LETMD1: variants seen among roughly 807,000 people sequenced by gnomAD.
The protein encoded by LETMD1 is LETM1 domain containing 1.
A neutral mutation model predicts 43.9 loss-of-function variants in LETMD1; 30 were observed. That is an observed-to-expected ratio of 0.68 (90% CI 0.51 to 0.93). LETMD1 has a LOEUF of 0.93. Ranked by LOEUF, LETMD1 falls within the 40% of genes least tolerant of loss-of-function variation. The probability of loss-of-function intolerance (pLI) is 0.00; values close to 1 mark genes in which losing one functional copy is unlikely to be tolerated. For synonymous variants in LETMD1, 176 were observed against 163.1 expected (o/e 1.08, Z -0.60); for missense variants, 413 against 447.7 (o/e 0.92, Z 0.70).
At chr12:51,064,755 T>C (rs1283691285), downstream of LETMD1, 12 of 1,256,112 alleles carry the variant, frequency 9.6e-6, no homozygotes, top group Admixed American at 8.0e-5. Context: ...AAACAGGCAG[T>C]TGGGATTTGA....
chr12:51,053,757 T>C, intron 3 of LETMD1, 21 bp from the exon 4 acceptor site: 1 of 1,567,894 alleles, frequency 6.4e-7, no homozygotes, highest in African/African-American at 1.4e-5. Context: ...TAAAACTGCA[T>C]CTGTGTTTAT....
At chr12:51,053,467 AC>A in intron 3 of LETMD1, among the ~76,000 whole-genome samples, 1 of 152,190 alleles carries the variant, frequency 6.6e-6, no homozygotes, top group South Asian at 2.1e-4. Flanking sequence ...ACATGGTGAA[AC>A]CCTGTCTCGA....
In LETMD1 at chr12:51,060,028, A is replaced by T. The variant is rs1382529187; in HGVS notation, c.*597A>T. The stretch of plus-strand genomic sequence containing the variant: ...CAAACCCTCTGAACACCTTTTTCTG[A>T]TGGGTAACTTGCAGGAATATTCTAT... On this transcript the variant is annotated 3_prime_UTR_variant, in exon 9 of 9. Transcript: ENST00000262055. The T allele has an allele frequency of 6.5e-6, 1 of 152,822 alleles. No individual in the cohort carries two copies. Among genetic ancestry groups the T allele is most frequent in the Non-Finnish European group, 1.5e-5 (1 of 68,358 alleles). The allele number at this position is 152,822 out of a possible 1,614,324, so 9.5% of individuals were successfully genotyped here.
the LETMD1 span, among the ~76,000 whole-genome samples, chr12:51,065,892 A>G: frequency 0.16 from 24,692 of 152,202 alleles, 2,213 homozygotes; most frequent in South Asian, 0.26. Context: ...ATAAAGAAAG[A>G]GTGAGTTAGG....
In LETMD1 at chr12:51,048,395, G is replaced by T. The variant is rs1156944200; in HGVS notation, c.39G>T (p.Val13=). 6.2e-7 allele frequency: 1 copy of T among 1,614,140 alleles called. No homozygotes were observed. Residue 13 remains valine (V), a synonymous_variant, in exon 1 of 9, where the codon GTG becomes GTT. Coordinates refer to ENST00000262055, the MANE Select transcript of LETMD1 (RefSeq NM_015416.5). ...LSRVCWARSA[V]WGSAVTPGHF... The stretch of plus-strand genomic sequence containing the variant: ...GGGTGTGCTGGGCTCGGTCGGCTGT[G>T]TGGGGCTCGGCAGTCACCCCTGGAC...
intron 1 of LETMD1, chr12:51,048,726 G>A (rs2136487952): frequency 3.3e-6 from 2 of 605,096 alleles, no homozygotes; most frequent in South Asian, 2.1e-5. Context: ...TCACTTTTTC[G>A]GCTCAGGTTT....
rs750477751 is a variant in LETMD1, at chr12:51,056,558, G to T, written c.915+56G>T. ...ACCCTTGGTGTGCTTTTGAGCCTAT[G>T]GCAGGCCGGAGGTTTACAGGGGCTC... On this transcript the variant is annotated intron_variant, in intron 7 of 8. Transcript: ENST00000262055. The T allele has an allele frequency of 7.5e-6, 12 of 1,601,468 alleles. 1 individual carries two copies. The South Asian group carries it at 1.3e-4, about 18-fold the overall frequency.
At chr12:51,063,415 C>G (rs1283492137), downstream of LETMD1, 2 of 177,012 alleles carry the variant, frequency 1.1e-5, no homozygotes, top group Non-Finnish European at 2.4e-5. Context: ...TTCTCGTGTT[C>G]TGGTCCCTAC....
At chr12:51,054,449 G>T (rs1322855821) in intron 4 of LETMD1, among the ~76,000 whole-genome samples, 1 of 152,180 alleles carries the variant, frequency 6.6e-6, no homozygotes, top group African/African-American at 2.4e-5. Flanking sequence ...GAATGGACTA[G>T]TCTGGAAAGT....
At chr12:51,050,228 A>T (rs1263147299) in intron 2 of LETMD1, among the ~76,000 whole-genome samples, 1 of 133,876 alleles carries the variant, frequency 7.5e-6, no homozygotes, top group Non-Finnish European at 1.6e-5. Context: ...ACTTTTTATT[A>T]TGAATTTTTT....
chr12:51,060,152 CTG>C lies in LETMD1; in HGVS notation c.*724_*725del, dbSNP rs1473714647. Reference sequence around the variant, plus strand: ...CTTTTCTGGGCTGTATTACAGCCCTCTGTGGATCTTCAACTCTGCTGCCTCCA... The same window carrying C: ...CTTTTCTGGGCTGTATTACAGCCCTCTGGATCTTCAACTCTGCTGCCTCCA... On this transcript the variant is annotated 3_prime_UTR_variant, in exon 9 of 9. Transcript: ENST00000262055. 4 of 152,854 alleles carry C rather than the reference CTG, an allele frequency of 2.6e-5. No homozygotes were observed. Among genetic ancestry groups the C allele is most frequent in the Middle Eastern group, 3.4e-3 (1 of 296 alleles). 9.5% of individuals were successfully genotyped at this position (152,854 alleles called of 1,614,324 possible).
the LETMD1 span, among the ~76,000 whole-genome samples, chr12:51,068,253 G>A: frequency 6.6e-6 from 1 of 152,160 alleles, no homozygotes; most frequent in Admixed American, 6.5e-5. Flanking sequence ...CGCCTCCCGG[G>A]TTCAAGCGAT....
At chr12:51,064,796 T>A, downstream of LETMD1, 1 of 676,264 alleles carries the variant, frequency 1.5e-6, no homozygotes, top group Non-Finnish European at 2.3e-6. Flanking sequence ...AGCAACCAAT[T>A]CAAAGCATAG....
the LETMD1 span, among the ~76,000 whole-genome samples, chr12:51,067,496 C>T: frequency 6.6e-6 from 1 of 152,168 alleles, no homozygotes; most frequent in African/African-American, 2.4e-5. The surrounding 1 kb of genome is among the most constrained non-coding windows in gnomAD (Gnocchi z 4.1). Context: ...TGTGAGCCAC[C>T]ATGCCTGGCC....
intron 1 of LETMD1, 112 bp from the exon 2 acceptor site, chr12:51,048,922 G>C: frequency 9.8e-7 from 1 of 1,015,298 alleles, no homozygotes; most frequent in African/African-American, 1.6e-5. Flanking sequence ...GATTTCAGAA[G>C]TGTCAAGCCT....
At chr12:51,064,029 T>C (rs1030009161), downstream of LETMD1, 1 of 1,614,204 alleles carries the variant, frequency 6.2e-7, no homozygotes, top group Non-Finnish European at 8.5e-7. Flanking sequence ...AGAGAAGACA[T>C]TCAGATCCTT....
At position 51,056,149 on chromosome 12, in the gene LETMD1, G is replaced by A. The variant is rs1161270953; in HGVS notation, c.666G>A (p.Gln222=). 1.9e-6 allele frequency: 3 copies of A among 1,614,098 alleles called. No individual in the cohort carries two copies. Among genetic ancestry groups the A allele is most frequent in the Non-Finnish European group, 1.7e-6 (2 of 1,179,978 alleles). Residue 222 remains glutamine (Q), a synonymous_variant, in exon 6 of 9, where the codon CAG becomes CAA. Coordinates refer to ENST00000262055, the MANE Select transcript of LETMD1 (RefSeq NM_015416.5). ...AATCTCTTACCTCTTCCAAGATACA[G>A]CGTGGTACCCACCCAGCAATACATG... ...WRLTDLCTKI[Q]RGTHPAIHDI...
At chr12:51,049,252 A>G in intron 2 of LETMD1, 67 bp downstream of exon 2, 2 of 1,401,374 alleles carry the variant, frequency 1.4e-6, no homozygotes, top group Non-Finnish European at 2.0e-6. Flanking sequence ...GTTAGCATAA[A>G]TAAGATCATT....
At chr12:51,056,578 G>A (rs1478878227) in intron 7 of LETMD1, 76 bp downstream of exon 7, 1 of 1,416,356 alleles carries the variant, frequency 7.1e-7, no homozygotes, top group Non-Finnish European at 1.0e-6. Context: ...AGGTTTACAG[G>A]GGCTCCTTGT....
Sources: gnomAD v4.1 joint callset for allele counts (sites outside exome capture counted in the v4.1 genomes callset) on GRCh38, gnomAD v4.1.1 for gene constraint, Gnocchi (gnomAD v3.1) non-coding constraint, MANE v1.5 for transcripts, NCBI Gene and HGNC (gene_info 2026-07-23, HGNC 2026-07-21) for gene names.